DSC3: variants seen among roughly 807,000 people sequenced by gnomAD.
DSC3 encodes desmocollin-3.
DSC3 carries 97 observed loss-of-function variants against 89.5 expected under a neutral mutation model. The observed-to-expected ratio is 1.08, with a 90% CI of 0.92 to 1.28. The LOEUF (loss-of-function observed/expected upper bound fraction) is 1.28. Among genes scored for constraint, DSC3 ranks in the 50% most tolerant of loss-of-function variants. DSC3 has a pLI of 0.00. For missense variants in DSC3, 1,199 were observed against 1,085.3 expected (o/e 1.10, Z -1.47); for synonymous variants, 436 against 384.1 (o/e 1.14, Z -1.58).
intron 9 of DSC3, among the ~76,000 whole-genome samples, 197 bp downstream of exon 9, chr18:31,017,874 A>C (rs1362640548): frequency 6.6e-6 from 1 of 152,178 alleles, no homozygotes; most frequent in African/African-American, 2.4e-5. Context: ...AGAATGTTCA[A>C]GCAGAAGCTA....
Position 31,018,064 on chromosome 18 carries a change from A to G in DSC3, c.1263+7T>C, listed in dbSNP as rs773944958. 5.6e-6 allele frequency: 9 copies of G among 1,609,960 alleles called. No homozygotes were observed. In the Admixed American group the frequency reaches 1.5e-4, roughly 27 times the overall value. ...TTTGCTAAGTTGTCAATTATACATT[A>G]CTGTACCTTTACAACAGAAAGAACA... On this transcript the variant is annotated splice_region_variant and intron_variant, in intron 9 of 15. Coordinates refer to ENST00000360428, the MANE Select transcript of DSC3 (RefSeq NM_001941.5).
At chr18:30,995,721 C>T (rs547365219) in intron 15 of DSC3, among the ~76,000 whole-genome samples, 3 of 151,994 alleles carry the variant, frequency 2.0e-5, no homozygotes, top group African/African-American at 7.2e-5. Flanking sequence ...CGTATAATCC[C>T]GGCACTTTGG....
Position 30,989,733 on chromosome 18 carries a change from C to T in DSC3, c.*4442G>A, listed in dbSNP as rs1984168326. ...GAAGCCCGTAAACATGTTCTGAATA[C>T]TATTTAATTTTTCTGCCCATGAAAC... On this transcript the variant is annotated 3_prime_UTR_variant, in exon 16 of 16. Transcript: ENST00000360428. Among the ~76,000 whole-genome samples the T allele has an allele frequency of 6.6e-6, 1 of 152,114 alleles. No individual in the cohort carries two copies. Among genetic ancestry groups the T allele is most frequent in the Admixed American group, 6.5e-5 (1 of 15,274 alleles).
In DSC3 at chr18:31,024,394, T is replaced by G; in HGVS notation, c.730A>C (p.Thr244Pro). 6.2e-7 allele frequency: 1 copy of G among 1,609,102 alleles called. No homozygotes were observed. The highest frequency in any genetic ancestry group is 8.5e-7 in the Non-Finnish European group (1 of 1,176,714). The change falls in exon 6 of 16, where the codon ACA becomes CCA. Residue 244 changes from threonine (T) to proline (P), a missense_variant. Transcript: ENST00000360428. ...ACTTCAAAATTATAAATTGCTTCTG[T>G]GAAAACAGGGTGGTTGTCATTTTCA... is the stretch of plus-strand genomic sequence containing the variant. ...EDENDNHPVF[T>P]EAIYNFEVLE... is the part of the protein sequence containing the mutation.
chr18:31,029,115 T>C (rs1206038147), intron 4 of DSC3, among the ~76,000 whole-genome samples: 1 of 152,186 alleles, frequency 6.6e-6, no homozygotes, highest in Non-Finnish European at 1.5e-5. Context: ...AACATCTCTA[T>C]ACTAGAATCA....
At chr18:31,018,435 A>G (rs995759279) in intron 8 of DSC3, among the ~76,000 whole-genome samples, 179 bp from the exon 9 acceptor site, 2 of 152,212 alleles carry the variant, frequency 1.3e-5, no homozygotes, top group South Asian at 2.1e-4. Flanking sequence ...GAAAAGTTTC[A>G]TTACAAATGA....
At chr18:31,032,905 C>T (rs754484706) in intron 1 of DSC3, among the ~76,000 whole-genome samples, 29 of 152,068 alleles carry the variant, frequency 1.9e-4, no homozygotes, top group Non-Finnish European at 4.4e-5. Flanking sequence ...TTTCTATACA[C>T]AGATGACATA....
rs533098183 is a variant in DSC3, at chr18:31,023,469, A to T, written c.775+880T>A. ...CAATAAAATTTATTTAAAAAGAAAC[A>T]AAACTAGGTTTCCTAAACTCCAAAC... On this transcript the variant is annotated intron_variant, in intron 6 of 15. Coordinates refer to ENST00000360428, the MANE Select transcript of DSC3 (RefSeq NM_001941.5). Among the ~76,000 whole-genome samples, 29 of 152,310 alleles carry T rather than the reference A, an allele frequency of 1.9e-4. No individual in the cohort carries two copies. The East Asian group carries it at 5.6e-3, about 29-fold the overall frequency.
chr18:31,017,426 C>A (rs1985272357), intron 9 of DSC3, among the ~76,000 whole-genome samples: 1 of 152,108 alleles, frequency 6.6e-6, no homozygotes, highest in South Asian at 2.1e-4. Flanking sequence ...TCAAACAGAT[C>A]CCTTCCTACC....
chr18:31,028,899 T>G (rs1330757271), intron 4 of DSC3, among the ~76,000 whole-genome samples: 1 of 152,122 alleles, frequency 6.6e-6, no homozygotes, highest in East Asian at 1.9e-4. Context: ...CTCCATTCCA[T>G]CAAACCTTGG....
At chr18:31,036,179 T>C (rs542128883) in intron 1 of DSC3, among the ~76,000 whole-genome samples, 1 of 152,342 alleles carries the variant, frequency 6.6e-6, no homozygotes, top group South Asian at 2.1e-4. Context: ...TATCAATTTC[T>C]ATTAATGCCC....
At chr18:31,025,502 T>G (rs1169353373) in intron 5 of DSC3, among the ~76,000 whole-genome samples, 2 of 152,104 alleles carry the variant, frequency 1.3e-5, no homozygotes. Flanking sequence ...TTTTGGAAAT[T>G]TACTGACATT....
intron 5 of DSC3, among the ~76,000 whole-genome samples, chr18:31,024,993 A>C (rs1254925102): frequency 6.6e-6 from 1 of 152,190 alleles, no homozygotes; most frequent in African/African-American, 2.4e-5. Flanking sequence ...AGGCAATGTA[A>C]TGTCAAATAG....
chr18:31,036,352 T>A (rs938684684), intron 1 of DSC3, among the ~76,000 whole-genome samples: 2 of 152,170 alleles, frequency 1.3e-5, no homozygotes, highest in South Asian at 2.1e-4. Flanking sequence ...CTTCTGTAAA[T>A]CATCTATTCT....
chr18:31,012,144 A>G lies in DSC3; in HGVS notation c.1264-3619T>C, dbSNP rs1215844239. Among the ~76,000 whole-genome samples the G allele has an allele frequency of 3.9e-5, 6 of 152,248 alleles. No individual in the cohort carries two copies. In the East Asian group the frequency reaches 1.2e-3, roughly 29 times the overall value. The stretch of plus-strand genomic sequence containing the variant: ...TAAAATATGAAAAGGATAACACAAC[A>G]TGGCAAAAGCAAATTTTATTAATCA... On this transcript the variant is annotated intron_variant, in intron 9 of 15. Coordinates refer to ENST00000360428, the MANE Select transcript of DSC3 (RefSeq NM_001941.5).
intron 11 of DSC3, 47 bp downstream of exon 11, chr18:31,007,969 A>G: frequency 6.6e-7 from 1 of 1,506,732 alleles, no homozygotes; most frequent in South Asian, 1.1e-5. Flanking sequence ...ATTACATTTT[A>G]TTCTCTAATT....
At chr18:31,005,585 T>A (rs978383701) in intron 12 of DSC3, among the ~76,000 whole-genome samples, 1 of 152,216 alleles carries the variant, frequency 6.6e-6, no homozygotes, top group Non-Finnish European at 1.5e-5. Flanking sequence ...TCTAATGACA[T>A]GGATATACTT....
intron 1 of DSC3, among the ~76,000 whole-genome samples, chr18:31,038,619 G>T (rs554796169): frequency 6.6e-6 from 1 of 151,892 alleles, no homozygotes; most frequent in Non-Finnish European, 1.5e-5. Context: ...TACTCAAGAG[G>T]TTTAGTTTAG....
At position 30,992,795 on chromosome 18, in the gene DSC3, C is replaced by T. The variant is rs574223154; in HGVS notation, c.*1380G>A. On this transcript the variant is annotated 3_prime_UTR_variant, in exon 16 of 16. Coordinates refer to ENST00000360428, the MANE Select transcript of DSC3 (RefSeq NM_001941.5). Reference sequence around the variant, plus strand: ...AGCAAACTGATTAAAAATTAATTCACGCTGAAGGATGGTGGAAAACCTGGA... The same window carrying T: ...AGCAAACTGATTAAAAATTAATTCATGCTGAAGGATGGTGGAAAACCTGGA... The T allele has an allele frequency of 3.3e-5, 5 of 152,320 alleles. No individual in the cohort carries two copies. The highest frequency in any genetic ancestry group is 2.1e-4 in the South Asian group (1 of 4,826). 9.4% of individuals were successfully genotyped at this position (152,320 alleles called of 1,614,324 possible).
Sources: gnomAD v4.1 joint callset for allele counts (sites outside exome capture counted in the v4.1 genomes callset) on GRCh38, gnomAD v4.1.1 for gene constraint, MANE v1.5 for transcripts, NCBI Gene and HGNC (gene_info 2026-07-23, HGNC 2026-07-21) for gene names.